Variants in ABCA9 observed in about 807,000 individuals in gnomAD.
ABCA9 encodes the protein ATP binding cassette subfamily A member 9, also known as ATP-binding cassette sub-family A member 9.
In ABCA9, 183 loss-of-function variants were observed where a neutral mutation model predicts 205.3. The observed-to-expected ratio is 0.89, with a 90% CI of 0.79 to 1.01. ABCA9 has a LOEUF of 1.01. Ranked by LOEUF, ABCA9 falls within the 50% of genes least tolerant of loss-of-function variation. The probability of loss-of-function intolerance (pLI) is 0.00; values close to 1 mark genes in which losing one functional copy is unlikely to be tolerated. For synonymous variants in ABCA9, 651 were observed against 683.3 expected (o/e 0.95, Z 0.74); for missense variants, 1,805 against 1,912.4 (o/e 0.94, Z 1.05).
chr17:68,995,988 A>G lies in ABCA9; in HGVS notation c.3462T>C (p.Thr1154=). 1.2e-6 allele frequency: 2 copies of G among 1,613,746 alleles called. No homozygotes were observed. The highest frequency in any genetic ancestry group is 8.5e-7 in the Non-Finnish European group (1 of 1,179,908). ...CTAGAAATCCATATTCATTTAGATCAGTAGCAACTATCGAGAAGATGACCA... is the reference window on the plus strand; with the variant it reads ...CTAGAAATCCATATTCATTTAGATCGGTAGCAACTATCGAGAAGATGACCA... ...LIVVIFSIVA[T]DLNEYGFLGL... is the part of the protein sequence containing the mutation. The change falls in exon 26 of 39, where the codon ACT becomes ACC. Residue 1154 remains threonine, a synonymous_variant. Coordinates refer to ENST00000340001, the MANE Select transcript of ABCA9 (RefSeq NM_080283.4).
chr17:68,984,250 A>G (rs367752641), intron 34 of ABCA9, 75 bp from the exon 35 acceptor site: 4 of 1,571,168 alleles, frequency 2.5e-6, no homozygotes, highest in Non-Finnish European at 3.5e-6. Context: ...AGAAGTTTCC[A>G]TCGACGCAAA....
chr17:68,990,263 C>T (rs974615666), intron 29 of ABCA9, among the ~76,000 whole-genome samples: 2 of 152,206 alleles, frequency 1.3e-5, no homozygotes, highest in African/African-American at 4.8e-5. Context: ...TTGCAGTAAG[C>T]TTCACTTTGG....
chr17:69,001,975 A>AT (rs1445204833), intron 25 of ABCA9, among the ~76,000 whole-genome samples: 1 of 151,256 alleles, frequency 6.6e-6, no homozygotes, highest in Admixed American at 6.6e-5. Context: ...CCCCTTTATC[A>AT]TTTTTTATTG....
chr17:69,017,343 G>A (rs2070655457), intron 21 of ABCA9, among the ~76,000 whole-genome samples: 1 of 152,134 alleles, frequency 6.6e-6, no homozygotes, highest in Non-Finnish European at 1.5e-5. Flanking sequence ...ACATTGGGCA[G>A]TTGTTCTCAG....
At position 69,045,066 on chromosome 17, in the gene ABCA9, T is replaced by C. The variant is rs528738538; in HGVS notation, c.469+106A>G. The C allele has an allele frequency of 4.9e-5, 41 of 828,352 alleles. No homozygotes were observed. The African/African-American group carries it at 5.7e-4, about 11-fold the overall frequency. 51.3% of individuals were successfully genotyped at this position (828,352 alleles called of 1,614,324 possible). ...TATGTTCAGAAATTAAAGCTCTATG[T>C]TGTGGTTGTATATGTTTGTGTAGTT... On this transcript the variant is annotated intron_variant, in intron 4 of 38. Transcript: ENST00000340001.
rs536413099 is a variant in ABCA9, at chr17:68,998,225, A to C, written c.3436-2211T>G. Among the ~76,000 whole-genome samples the C allele has an allele frequency of 5.6e-4, 85 of 152,360 alleles. 1 individual carries two copies. The highest frequency in any genetic ancestry group is 3.9e-3 in the South Asian group (19 of 4,832). On this transcript the variant is annotated intron_variant, in intron 25 of 38. Coordinates refer to ENST00000340001, the MANE Select transcript of ABCA9 (RefSeq NM_080283.4). ...TTCCAAGTTTTGACAATTATAATTA[A>C]AGCTGCTATAAACATCATTGTGCAG...
At chr17:69,048,856 T>G (rs1457331147) in intron 3 of ABCA9, among the ~76,000 whole-genome samples, 1 of 152,170 alleles carries the variant, frequency 6.6e-6, no homozygotes, top group Admixed American at 6.6e-5. Context: ...TTTAGAGCTT[T>G]GTGTCCCACC....
At chr17:69,066,990 G>T in the ABCA9 span, among the ~76,000 whole-genome samples, 3 of 152,078 alleles carry the variant, frequency 2.0e-5, no homozygotes, top group Non-Finnish European at 4.4e-5. Flanking sequence ...GAAAGGCATC[G>T]ATAGCTATTG....
chr17:69,047,128 A>G (rs1038612181), intron 3 of ABCA9, among the ~76,000 whole-genome samples: 5 of 150,960 alleles, frequency 3.3e-5, no homozygotes, highest in Non-Finnish European at 7.4e-5. Context: ...CACCCAGCTA[A>G]TTTTTGTATT....
intron 16 of ABCA9, among the ~76,000 whole-genome samples, chr17:69,025,165 T>C (rs1370412618): frequency 6.6e-6 from 1 of 152,080 alleles, no homozygotes; most frequent in African/African-American, 2.4e-5. Context: ...ACAGAAGATG[T>C]GAGGGAGAAG....
intron 2 of ABCA9, among the ~76,000 whole-genome samples, chr17:69,049,901 C>A (rs2144501076): frequency 6.6e-6 from 1 of 152,126 alleles, no homozygotes; most frequent in African/African-American, 2.4e-5. Flanking sequence ...CCTTCTGTTG[C>A]TGGTATGTGG....
upstream of ABCA9, among the ~76,000 whole-genome samples, chr17:69,063,991 C>T (rs1377902013): frequency 6.6e-6 from 1 of 152,158 alleles, no homozygotes; most frequent in Non-Finnish European, 1.5e-5. Context: ...ATTTGCATTT[C>T]TCAGATATAT....
intron 30 of ABCA9, among the ~76,000 whole-genome samples, 183 bp downstream of exon 30, chr17:68,989,630 A>G (rs1321315552): frequency 2.0e-5 from 3 of 152,142 alleles, no homozygotes; most frequent in Admixed American, 6.6e-5. Flanking sequence ...AACAGACATA[A>G]CTGTCTTCCT....
chr17:69,033,814 T>G lies in ABCA9; in HGVS notation c.1188A>C (p.Pro396=). 6.2e-7 allele frequency: 1 copy of G among 1,608,738 alleles called. No individual in the cohort carries two copies. The highest frequency in any genetic ancestry group is 1.1e-5 in the South Asian group (1 of 90,704). ...SNAHLDSSQN[P]YLIIATLFML... is the part of the protein sequence containing the mutation. ...TGAAAAGAGTAGCTATTATGAGGTA[T>G]GGATTTTGTGAAGAATCCAAGTGGG... is the stretch of plus-strand genomic sequence containing the variant. Residue 396 remains proline (P), a synonymous_variant, in exon 9 of 39, where the codon CCA becomes CCC. Transcript: ENST00000340001.
Position 68,975,805 on chromosome 17 carries a change from G to A in ABCA9, c.*110C>T, listed in dbSNP as rs1393133378. 3 of 814,758 alleles carry A rather than the reference G, an allele frequency of 3.7e-6. No individual in the cohort carries two copies. In the African/African-American group the frequency reaches 5.2e-5, roughly 14 times the overall value. The allele number at this position is 814,758 out of a possible 1,614,324, so 50.5% of individuals were successfully genotyped here. ...ATACTACTGAGGATAATTATTGCAT[G>A]AGTTTCAAATGCATTTTGTACCACC... is the stretch of plus-strand genomic sequence containing the variant. On this transcript the variant is annotated 3_prime_UTR_variant, in exon 39 of 39. Coordinates refer to ENST00000340001, the MANE Select transcript of ABCA9 (RefSeq NM_080283.4).
At chr17:68,986,097 T>G in intron 32 of ABCA9, 67 bp downstream of exon 32, 3 of 1,460,766 alleles carry the variant, frequency 2.1e-6, no homozygotes, top group Non-Finnish European at 1.8e-6. Context: ...CCTGTCTTCA[T>G]TTTGTGTGTA....
chr17:69,009,839 GAGAA>G (rs895764330), intron 23 of ABCA9, among the ~76,000 whole-genome samples: 36 of 152,066 alleles, frequency 2.4e-4, no homozygotes, highest in African/African-American at 6.0e-4. Flanking sequence ...GAAGATGAGA[GAGAA>G]AGAAAGACAT....
intron 8 of ABCA9, 91 bp downstream of exon 8, chr17:69,035,155 A>G: frequency 9.0e-7 from 1 of 1,105,878 alleles, no homozygotes; most frequent in East Asian, 3.0e-5. Flanking sequence ...AAGTTATAGA[A>G]TGGAATGCTT....
rs2071085535 is a variant in ABCA9, at chr17:69,029,209, T to C, written c.1464A>G (p.Lys488=). 6.4e-7 allele frequency: 1 copy of C among 1,556,036 alleles called. No homozygotes were observed. Among genetic ancestry groups the C allele is most frequent in the Non-Finnish European group, 8.8e-7 (1 of 1,138,052 alleles). ...CTCTCTCACACTTCCCTGCATATTC[T>C]TTTTTAAGATTTTTGATTCTGAAAA... ...KEAIRIKNLK[K]EYAGKCERVE... The change falls in exon 11 of 39, where the codon AAA becomes AAG. Residue 488 remains lysine (K), a synonymous_variant. Coordinates refer to ENST00000340001, the MANE Select transcript of ABCA9 (RefSeq NM_080283.4).
Sources: gnomAD v4.1 joint callset for allele counts (sites outside exome capture counted in the v4.1 genomes callset) on GRCh38, gnomAD v4.1.1 for gene constraint, MANE v1.5 for transcripts, NCBI Gene and HGNC (gene_info 2026-07-23, HGNC 2026-07-21) for gene names.